LRP2: variants seen among roughly 807,000 people sequenced by gnomAD.
The protein encoded by LRP2 is LDL receptor related protein 2, also known as low-density lipoprotein receptor-related protein 2.
Under a neutral mutation model 531.0 loss-of-function variants are expected in LRP2, and 172 were observed. That is an observed-to-expected ratio of 0.32 (90% confidence interval 0.29 to 0.37). The LOEUF is 0.37. LRP2 is among the 10% of genes least tolerant of loss of function. The pLI, the probability that LRP2 is intolerant of heterozygous loss-of-function variation, is 1.00. For synonymous variants in LRP2, 1,992 were observed against 2,027.6 expected (o/e 0.98, Z 0.47); for missense variants, 5,167 against 5,868.3 (o/e 0.88, Z 3.90).
rs1448063711 is a variant in LRP2 at position 169,173,340 on chromosome 2, G to A, written c.11015-116C>T. The A allele has an allele frequency of 1.1e-4, 138 of 1,263,176 alleles. 2 individuals are homozygous for A. In the South Asian group the frequency reaches 1.4e-3, roughly 13 times the overall value. The allele number at this position is 1,263,176 out of a possible 1,614,324, so 78.2% of individuals were successfully genotyped here. On this transcript the variant is annotated intron_variant, in intron 56 of 78. Coordinates refer to ENST00000649046, the MANE Select transcript of LRP2 (RefSeq NM_004525.3). ...CAATGACCATGTTACCAAGCAAACC[G>A]CCTCTGGCGATATGTGTCTGTTTTA... is the stretch of plus-strand genomic sequence containing the variant.
At chr2:169,198,554 G>A (rs1300837131) in intron 45 of LRP2, among the ~76,000 whole-genome samples, 1 of 152,192 alleles carries the variant, frequency 6.6e-6, no homozygotes, top group Non-Finnish European at 1.5e-5. Flanking sequence ...AATAGTAGCA[G>A]ATCTCTGGAA....
intron 50 of LRP2, among the ~76,000 whole-genome samples, chr2:169,184,257 A>G (rs1038344788): frequency 6.6e-6 from 1 of 152,222 alleles, no homozygotes. Context: ...ACTTTTTGAC[A>G]TGTAGGATAC....
intron 76 of LRP2, among the ~76,000 whole-genome samples, chr2:169,134,307 C>T (rs539635436): frequency 6.6e-6 from 1 of 152,302 alleles, no homozygotes; most frequent in African/African-American, 2.4e-5. Context: ...CCACCTGACG[C>T]ATATACTGTC....
At chr2:169,315,648 C>T (rs919881773) in intron 3 of LRP2, among the ~76,000 whole-genome samples, 4 of 152,156 alleles carry the variant, frequency 2.6e-5, no homozygotes, top group African/African-American at 9.7e-5. Context: ...TTGGAAGCCA[C>T]TGTAAACCGT....
intron 1 of LRP2, among the ~76,000 whole-genome samples, chr2:169,361,376 C>CT (rs1559092846): frequency 0.049 from 2,900 of 59,236 alleles, 296 homozygotes; most frequent in African/African-American, 0.078. Flanking sequence ...CTCTCTCTCT[C>CT]CCTCTCTCTC....
At chr2:169,214,871 TGGTGGA>T (rs1266002205) in intron 35 of LRP2, among the ~76,000 whole-genome samples, 1 of 152,126 alleles carries the variant, frequency 6.6e-6, no homozygotes, top group African/African-American at 2.4e-5. Flanking sequence ...TTGCTCAGAA[TGGTGGA>T]GGTGGCAGAA....
intron 38 of LRP2, among the ~76,000 whole-genome samples, chr2:169,207,939 G>A (rs937144636): frequency 1.3e-5 from 2 of 152,184 alleles, no homozygotes; most frequent in African/African-American, 4.8e-5. Context: ...CTACTACCAA[G>A]ACACACATAT....
chr2:169,236,608 A>T (rs115624318), intron 28 of LRP2, among the ~76,000 whole-genome samples: 2,094 of 152,328 alleles, frequency 0.014, 50 homozygotes, highest in African/African-American at 0.048. Context: ...ATCCTCAAAG[A>T]TTTCCAAACA....
intron 6 of LRP2, among the ~76,000 whole-genome samples, chr2:169,292,903 T>G (rs1396476177): frequency 6.7e-6 from 1 of 148,966 alleles, no homozygotes; most frequent in African/African-American, 2.5e-5. Context: ...GAACAGAAAA[T>G]GCAGACAAAG....
At chr2:169,354,360 A>G (rs987341393) in intron 1 of LRP2, among the ~76,000 whole-genome samples, 1 of 152,218 alleles carries the variant, frequency 6.6e-6, no homozygotes, top group Non-Finnish European at 1.5e-5. Context: ...TATTGCTTAC[A>G]AACTTGGATC....
chr2:169,212,701 G>T (rs13422498), intron 36 of LRP2, among the ~76,000 whole-genome samples: 7,518 of 145,538 alleles, frequency 0.052, 621 homozygotes, highest in African/African-American at 0.17. Context: ...GTTCTCACTG[G>T]TATGTGGGAG....
rs781556415 is a variant in LRP2, at chr2:169,283,017, T to C, written c.1043-16A>G. 12 of 1,613,682 alleles carry C rather than the reference T, an allele frequency of 7.4e-6. No homozygotes were observed. In the East Asian group the frequency reaches 2.2e-4, roughly 30 times the overall value. Reference sequence around the variant, plus strand: ...TCATCAAACTCTGCCATATGGAAAATACACATTTGTAGTCAAGGTTATCAG... The same window carrying C: ...TCATCAAACTCTGCCATATGGAAAACACACATTTGTAGTCAAGGTTATCAG... On this transcript the variant is annotated splice_polypyrimidine_tract_variant and intron_variant, in intron 9 of 78. Coordinates refer to ENST00000649046, the MANE Select transcript of LRP2 (RefSeq NM_004525.3).
intron 60 of LRP2, among the ~76,000 whole-genome samples, chr2:169,169,297 C>G (rs1197170953): frequency 2.6e-5 from 4 of 152,296 alleles, no homozygotes; most frequent in Admixed American, 6.5e-5. Flanking sequence ...TTTTTATACT[C>G]CATCGTGTGA....
intron 77 of LRP2, 72 bp downstream of exon 77, chr2:169,132,502 A>C: frequency 1.2e-6 from 1 of 831,482 alleles, no homozygotes; most frequent in South Asian, 1.3e-5. Flanking sequence ...TGTTTGCTTA[A>C]GGTTAATAAA....
At chr2:169,129,940 G>A (rs781761274) in intron 77 of LRP2, among the ~76,000 whole-genome samples, 5 of 152,246 alleles carry the variant, frequency 3.3e-5, no homozygotes, top group South Asian at 2.1e-4. Flanking sequence ...TTTATGGGGT[G>A]TCTCTTACTC....
intron 71 of LRP2, among the ~76,000 whole-genome samples, chr2:169,142,024 G>T (rs1297291160): frequency 5.3e-5 from 8 of 152,186 alleles, no homozygotes; most frequent in Non-Finnish European, 1.2e-4. Flanking sequence ...AGGCCCCAAG[G>T]ATGTGAGCCA....
chr2:169,342,307 A>T (rs1685584446), intron 1 of LRP2, among the ~76,000 whole-genome samples: 1 of 152,162 alleles, frequency 6.6e-6, no homozygotes, highest in African/African-American at 2.4e-5. Context: ...TAAAACAAAT[A>T]ACAAGAATTA....
intron 25 of LRP2, among the ~76,000 whole-genome samples, 161 bp from the exon 26 acceptor site, chr2:169,239,936 T>C (rs1413127968): frequency 6.6e-6 from 1 of 152,200 alleles, no homozygotes; most frequent in African/African-American, 2.4e-5. Context: ...CCACAGGCTG[T>C]TCAGGGTTTG....
chr2:169,197,138 G>A (rs1022248203), intron 45 of LRP2, 108 bp from the exon 46 acceptor site: 2 of 1,346,430 alleles, frequency 1.5e-6, no homozygotes, highest in African/African-American at 1.4e-5. Flanking sequence ...ACCAAAAAAG[G>A]AAGACTGAGC....
Sources: allele counts gnomAD v4.1 joint callset (sites outside exome capture counted in the v4.1 genomes callset), GRCh38; gene constraint gnomAD v4.1.1; transcripts MANE v1.5; gene names NCBI Gene and HGNC (gene_info 2026-07-23, HGNC 2026-07-21).